Variants in CLTCL1 observed in about 807,000 individuals in gnomAD.
CLTCL1 encodes clathrin heavy chain 2.
A neutral mutation model predicts 190.0 loss-of-function variants in CLTCL1; 159 were observed. The ratio of observed to expected loss-of-function variants is 0.84; its 90% CI spans 0.74 to 0.95. The LOEUF is 0.95. Ranked by LOEUF, CLTCL1 falls within the 40% of genes least tolerant of loss-of-function variation. CLTCL1 has a pLI of 0.00. For synonymous variants in CLTCL1, 752 were observed against 769.6 expected (o/e 0.98, Z 0.38); for missense variants, 1,878 against 2,033.4 (o/e 0.92, Z 1.47).
At chr22:19,247,234 AC>A (rs2086445931) in intron 3 of CLTCL1, among the ~76,000 whole-genome samples, 1 of 152,210 alleles carries the variant, frequency 6.6e-6, no homozygotes, top group Admixed American at 6.5e-5. Flanking sequence ...TTGTCCCAGC[AC>A]CATTCCTGAA....
In CLTCL1 at chr22:19,199,714, A is replaced by G; in HGVS notation, c.3873+20T>C. 3.9e-6 allele frequency: 6 copies of G among 1,548,260 alleles called. No individual in the cohort carries two copies. Among genetic ancestry groups the G allele is most frequent in the Non-Finnish European group, 5.3e-6 (6 of 1,139,794 alleles). On this transcript the variant is annotated intron_variant, in intron 24 of 32. Transcript: ENST00000427926. The stretch of plus-strand genomic sequence containing the variant: ...GGCATCACTTGTCATCTGCATTACC[A>G]GCAGAGATCATCTGGTCACCTGGTA...
intron 27 of CLTCL1, among the ~76,000 whole-genome samples, chr22:19,190,130 G>A (rs546666941): frequency 3.4e-4 from 52 of 152,164 alleles, no homozygotes; most frequent in East Asian, 1.2e-3. Flanking sequence ...TAGTAGAGAC[G>A]GGGTTTCACC....
In CLTCL1 at chr22:19,191,300, T is replaced by C. The variant is rs1268199164; in HGVS notation, c.4323+4A>G. On this transcript the variant is annotated splice_donor_region_variant and intron_variant, in intron 27 of 32. Coordinates refer to ENST00000427926, the MANE Select transcript of CLTCL1 (RefSeq NM_007098.4). ...TCTTCTACCTGGGGTTTTGGTTGAC[T>C]CACCTTTGAAAAGAAACTGACTGTC... The C allele has an allele frequency of 1.9e-6, 3 of 1,613,858 alleles. No homozygotes were observed. The East Asian group carries it at 6.7e-5, about 36-fold the overall frequency.
chr22:19,242,987 A>G lies in CLTCL1; in HGVS notation c.520-51T>C, dbSNP rs2086303771. ...AGGGAGAGAAAAGAGAGGAATATAA[A>G]GAAACAATTCTTAAAATATATTTCT... On this transcript the variant is annotated intron_variant, in intron 3 of 32. Coordinates refer to ENST00000427926, the MANE Select transcript of CLTCL1 (RefSeq NM_007098.4). The G allele has an allele frequency of 9.3e-6, 14 of 1,500,226 alleles. No homozygotes were observed. The South Asian group carries it at 1.7e-4, about 18-fold the overall frequency. The allele number at this position is 1,500,226 out of a possible 1,614,324, so 92.9% of individuals were successfully genotyped here.
chr22:19,218,425 A>G (rs115542936), intron 18 of CLTCL1, among the ~76,000 whole-genome samples: 1,775 of 152,338 alleles, frequency 0.012, 35 homozygotes, highest in African/African-American at 0.039. Context: ...ATCTCAAAGT[A>G]TTTCAAAATA....
intron 2 of CLTCL1, among the ~76,000 whole-genome samples, chr22:19,260,958 G>C (rs1208907623): frequency 1.3e-5 from 2 of 150,396 alleles, no homozygotes; most frequent in African/African-American, 2.4e-5. Context: ...CCTTTCAAAA[G>C]ATTACTGCTC....
intron 22 of CLTCL1, among the ~76,000 whole-genome samples, chr22:19,204,430 C>T (rs2084989825): frequency 2.0e-5 from 3 of 152,168 alleles, no homozygotes. Context: ...CTTTCTAAAA[C>T]CAGAATGTCC....
At chr22:19,241,682 G>A (rs1459303154) in intron 4 of CLTCL1, among the ~76,000 whole-genome samples, 3 of 152,198 alleles carry the variant, frequency 2.0e-5, no homozygotes, top group African/African-American at 2.4e-5. Context: ...AGACCACAAT[G>A]GCGGAACCCA....
chr22:19,258,355 C>G (rs1402582176), intron 2 of CLTCL1: 4 of 397,454 alleles, frequency 1.0e-5, no homozygotes, highest in Non-Finnish European at 1.9e-5. Flanking sequence ...GAGAGCACCA[C>G]AGTGGTCATC....
chr22:19,231,182 A>G (rs1300937100), intron 10 of CLTCL1, among the ~76,000 whole-genome samples: 1 of 152,224 alleles, frequency 6.6e-6, no homozygotes, highest in Non-Finnish European at 1.5e-5. Context: ...AGTCTATCAC[A>G]GGACTTCTCA....
Position 19,226,963 on chromosome 22 carries a change from C to A in CLTCL1, c.1783-580G>T, listed in dbSNP as rs552940344. On this transcript the variant is annotated intron_variant, in intron 11 of 32. Coordinates refer to ENST00000427926, the MANE Select transcript of CLTCL1 (RefSeq NM_007098.4). ...ATGTTGGCCAGGCTGGTCTCGAACT[C>A]CTGACCTCAAATGATCTGCCCACCT... Among the ~76,000 whole-genome samples the A allele has an allele frequency of 1.9e-3, 296 of 152,070 alleles. 3 individuals are homozygous for A. The highest frequency in any genetic ancestry group is 4.7e-4 in the Non-Finnish European group (32 of 68,004).
At chr22:19,275,497 T>C in intron 2 of CLTCL1, 126 bp downstream of exon 2, 2 of 1,020,710 alleles carry the variant, frequency 2.0e-6, no homozygotes, top group Non-Finnish European at 2.8e-6. Flanking sequence ...CTAAAACTTT[T>C]GGAATTAAGT....
At chr22:19,208,842 G>A (rs2085130600) in intron 21 of CLTCL1, 80 bp downstream of exon 21, 3 of 1,162,390 alleles carry the variant, frequency 2.6e-6, no homozygotes, top group Non-Finnish European at 3.6e-6. Context: ...AGAGATTTGT[G>A]AGAATCTCTT....
At position 19,221,567 on chromosome 22, in the gene CLTCL1, C is replaced by A. The variant is rs1254951110; in HGVS notation, c.2606G>T (p.Gly869Val). 7 of 1,601,000 alleles carry A rather than the reference C, an allele frequency of 4.4e-6. No individual in the cohort carries two copies. Among genetic ancestry groups the A allele is most frequent in the Non-Finnish European group, 6.0e-6 (7 of 1,173,744 alleles). ...ATTGTGAGTGGCAGGCTCCTCACAG[C>A]CTTCCTGAATCTGGGACTCCAGCCA... The part of the protein sequence containing the change: ...LPWLESQIQE[G>V]CEEPATHNAL... Residue 869 changes from glycine to valine, a missense_variant, in exon 17 of 33, where the codon GGC becomes GTC. Transcript: ENST00000427926.
At chr22:19,290,167 T>A (rs1420696658) in intron 1 of CLTCL1, among the ~76,000 whole-genome samples, 1 of 152,208 alleles carries the variant, frequency 6.6e-6, no homozygotes. Context: ...CTTGTTGCTT[T>A]CTTGCCCTTT....
At chr22:19,206,230 G>C (rs2085046216) in intron 22 of CLTCL1, among the ~76,000 whole-genome samples, 1 of 151,442 alleles carries the variant, frequency 6.6e-6, no homozygotes, top group African/African-American at 2.4e-5. Flanking sequence ...TTTTCTTTTT[G>C]TTTGTTTGTT....
chr22:19,201,202 T>A, intron 23 of CLTCL1, 127 bp downstream of exon 23: 1 of 1,129,048 alleles, frequency 8.9e-7, no homozygotes, highest in Non-Finnish European at 1.2e-6. Context: ...ACTCTAAGAA[T>A]CCCAAGGGTT....
intron 22 of CLTCL1, among the ~76,000 whole-genome samples, chr22:19,203,167 T>C (rs988828862): frequency 9.2e-5 from 14 of 152,202 alleles, no homozygotes; most frequent in East Asian, 1.9e-4. Context: ...ATAGAAAAAT[T>C]AGCTGAGCGT....
chr22:19,223,916 G>A lies in CLTCL1; in HGVS notation c.2267C>T (p.Pro756Leu), dbSNP rs1280347056. The change falls in exon 14 of 33, where the codon CCA (proline) becomes CTA (leucine). Residue 756 changes from proline to leucine, a missense_variant. Transcript: ENST00000427926. ...CTTCAGGAAGTTCTTCACACGCTCTGGGTTGTAGCAGCTGCTCTCTCGGCA... is the reference window on the plus strand; with the variant it reads ...CTTCAGGAAGTTCTTCACACGCTCTAGGTTGTAGCAGCTGCTCTCTCGGCA... ...RICRESSCYN[P>L]ERVKNFLKEA... is the part of the protein sequence containing the mutation. 1.2e-6 allele frequency: 2 copies of A among 1,613,862 alleles called. No homozygotes were observed. The highest frequency in any genetic ancestry group is 2.7e-5 in the African/African-American group (2 of 75,028).
Sources: allele counts gnomAD v4.1 joint callset (sites outside exome capture counted in the v4.1 genomes callset), GRCh38; gene constraint gnomAD v4.1.1; transcripts MANE v1.5; gene names NCBI Gene and HGNC (gene_info 2026-07-23, HGNC 2026-07-21).